Variants in FNTB observed in about 807,000 individuals in gnomAD.
The protein encoded by FNTB is farnesyltransferase, CAAX box, subunit beta.
A neutral mutation model predicts 59.4 loss-of-function variants in FNTB; 27 were observed. That is an observed-to-expected ratio of 0.45 (90% CI 0.34 to 0.63). FNTB has a LOEUF of 0.63. Ranked by LOEUF, FNTB falls within the 20% of genes least tolerant of loss-of-function variation. The pLI, the probability that FNTB is intolerant of heterozygous loss-of-function variation, is 0.02. For missense variants in FNTB, 449 were observed against 559.6 expected, an observed-to-expected ratio of 0.80 and a Z score of 1.99; for synonymous variants, 230 against 220.7, an observed-to-expected ratio of 1.04 and a Z score of -0.37.
chr14:65,049,125 TAAA>T (rs59771962), intron 9 of FNTB, among the ~76,000 whole-genome samples: 29 of 139,706 alleles, frequency 2.1e-4, no homozygotes, highest in Admixed American at 2.1e-4. Flanking sequence ...GGACTCCGTC[TAAA>T]AAAAAAAAAA....
rs758348521 is a variant in FNTB at position 65,044,268 on chromosome 14, C to T, written c.823-43C>T. The T allele has an allele frequency of 1.2e-6, 2 of 1,606,632 alleles. No individual in the cohort carries two copies. Among genetic ancestry groups the T allele is most frequent in the African/African-American group, 1.3e-5 (1 of 74,644 alleles). On this transcript the variant is annotated intron_variant, in intron 8 of 11. Transcript: ENST00000246166. The surrounding 1 kb of genome is among the most constrained non-coding windows in gnomAD (Gnocchi z 5.5). Reference sequence around the variant, plus strand: ...GAGATTCTGTCGGGCTGGATTTTGTCTCTTTTAGCCTACAACTGCCTTTCC... The same window carrying T: ...GAGATTCTGTCGGGCTGGATTTTGTTTCTTTTAGCCTACAACTGCCTTTCC...
Position 65,032,719 on chromosome 14 carries a change from C to T in FNTB, c.692+23C>T, listed in dbSNP as rs1366878056. 1 of 1,610,116 alleles carries T rather than the reference C, an allele frequency of 6.2e-7. No homozygotes were observed. The highest frequency in any genetic ancestry group is 8.5e-7 in the Non-Finnish European group (1 of 1,178,704). On this transcript the variant is annotated intron_variant, in intron 7 of 11. Coordinates refer to ENST00000246166, the MANE Select transcript of FNTB (RefSeq NM_002028.4). The surrounding 1 kb of genome is among the most constrained non-coding windows in gnomAD (Gnocchi z 5.0). ...AAGGTGAGAGAAGCCAGGGTTTCTC[C>T]TGGCCTCTTGGAGAGCAGGCGGTCA...
intron 7 of FNTB, among the ~76,000 whole-genome samples, chr14:65,036,297 C>T (rs566993593): frequency 1.3e-5 from 2 of 150,196 alleles, no homozygotes; most frequent in South Asian, 2.1e-4. Flanking sequence ...AGTGCAGTGG[C>T]GTGATCTTGG....
At chr14:65,002,766 A>T (rs1054655402) in intron 1 of FNTB, among the ~76,000 whole-genome samples, 1 of 152,082 alleles carries the variant, frequency 6.6e-6, no homozygotes, top group African/African-American at 2.4e-5. Flanking sequence ...AGTGGGCTGA[A>T]GTGCGGAGTG....
Position 65,004,301 on chromosome 14 carries a change from A to G in FNTB, c.197A>G (p.His66Arg). Residue 66 changes from histidine to arginine, a missense_variant, in exon 2 of 12, where the codon CAC (histidine) becomes CGC (arginine). Coordinates refer to ENST00000246166, the MANE Select transcript of FNTB (RefSeq NM_002028.4). Reference protein sequence around the residue: ...QEVFSSYKFNHLVPRLVLQRE... With the variant: ...QEVFSSYKFNRLVPRLVLQRE... ...GTCTTCAGTTCTTACAAGTTCAACC[A>G]CCTTGTACCAAGGTAAGCTGTGGTT... 3 of 1,613,000 alleles carry G rather than the reference A, an allele frequency of 1.9e-6. No homozygotes were observed. Among genetic ancestry groups the G allele is most frequent in the Non-Finnish European group, 2.5e-6 (3 of 1,179,444 alleles).
rs1388060732 is a variant in FNTB, at chr14:65,014,542, G to A, written c.283-1083G>A. 3.3e-5 allele frequency among the ~76,000 whole-genome samples: 5 copies of A among 152,164 alleles called. No homozygotes were observed. Among genetic ancestry groups the A allele is most frequent in the African/African-American group, 1.2e-4 (5 of 41,436 alleles). On this transcript the variant is annotated intron_variant, in intron 3 of 11. Transcript: ENST00000246166. The surrounding 1 kb of genome is among the most constrained non-coding windows in gnomAD (Gnocchi z 5.1). Reference sequence around the variant, plus strand: ...CAAGAACAGAAACCAGTTCAGGCATGGTGGCTAATGCCTGTAATCTCAGCA... The same window carrying A: ...CAAGAACAGAAACCAGTTCAGGCATAGTGGCTAATGCCTGTAATCTCAGCA...
chr14:65,011,431 G>GAAAAA lies in FNTB; in HGVS notation c.210-869_210-865dup, dbSNP rs767329195. Among the ~76,000 whole-genome samples, 1 of 80,088 alleles carries GAAAAA rather than the reference G, an allele frequency of 1.2e-5. No individual in the cohort carries two copies. Among genetic ancestry groups the GAAAAA allele is most frequent in the Non-Finnish European group, 2.7e-5 (1 of 36,962 alleles). The allele number at this position is 80,088 out of a possible 152,430, so 52.5% of individuals were successfully genotyped here. A position where few individuals can be genotyped will look rare whatever the true frequency, so the allele number is the denominator to read the frequency against. On this transcript the variant is annotated intron_variant, in intron 2 of 11. Transcript: ENST00000246166. The surrounding 1 kb of genome is among the most constrained non-coding windows in gnomAD (Gnocchi z 4.0). ...GTGACAGAGCGAGACTCCGTCTCAG[G>GAAAAA]AAAAAAAAAAAAAAAAAAAAAGACT...
chr14:65,022,026 A>G lies in FNTB; in HGVS notation c.375-5427A>G, dbSNP rs763236852. On this transcript the variant is annotated intron_variant, in intron 4 of 11. Transcript: ENST00000246166. ...CTTGCCGGTGCTTGATGAAGAGTCA[A>G]ATAACACGTCTGACTCTGTGAGCAG... is the stretch of plus-strand genomic sequence containing the variant. 30 of 455,926 alleles carry G rather than the reference A, an allele frequency of 6.6e-5. 1 individual carries two copies. Among genetic ancestry groups the G allele is most frequent in the Non-Finnish European group, 1.3e-5 (3 of 226,796 alleles). The allele number at this position is 455,926 out of a possible 1,614,324, so 28.2% of individuals were successfully genotyped here. A position where few individuals can be genotyped will look rare whatever the true frequency, so the allele number is the denominator to read the frequency against.
intron 7 of FNTB, among the ~76,000 whole-genome samples, chr14:65,040,365 T>G (rs2062321140): frequency 6.6e-6 from 1 of 150,968 alleles, no homozygotes; most frequent in Admixed American, 6.6e-5. Context: ...CAAAGAGTAA[T>G]AATTTGAATT....
rs149815249 is a variant in FNTB at position 65,014,691 on chromosome 14, G to C, written c.283-934G>C. ...TAGCCAGGCATAGTGGTGTGTGCCC[G>C]TAGTCCCAGCTACTTAGGAGGCTGA... On this transcript the variant is annotated intron_variant, in intron 3 of 11. Transcript: ENST00000246166. This position sits in a 1 kb window ranked among gnomAD's most constrained non-coding sequence, Gnocchi z 5.1. Among the ~76,000 whole-genome samples, 1,397 of 152,238 alleles carry C rather than the reference G, an allele frequency of 9.2e-3. 22 individuals are homozygous for C. The highest frequency in any genetic ancestry group is 0.031 in the African/African-American group (1,294 of 41,542).
rs981116830 is a variant in FNTB at position 64,999,870 on chromosome 14, T to C, written c.145-4379T>C. ...CACTTGTTCATTCTGAAGAAATGAT[T>C]AGGAACTCCAAAGAGAAGGACACTA... On this transcript the variant is annotated intron_variant, in intron 1 of 11. Coordinates refer to ENST00000246166, the MANE Select transcript of FNTB (RefSeq NM_002028.4). Among the ~76,000 whole-genome samples, 53 of 152,210 alleles carry C rather than the reference T, an allele frequency of 3.5e-4. 1 individual carries two copies. Among genetic ancestry groups the C allele is most frequent in the Non-Finnish European group, 1.2e-4 (8 of 68,028 alleles).
At position 64,990,855 on chromosome 14, in the gene FNTB, C is replaced by T. The variant is rs574103801; in HGVS notation, c.144+3758C>T. On this transcript the variant is annotated intron_variant, in intron 1 of 11. Coordinates refer to ENST00000246166, the MANE Select transcript of FNTB (RefSeq NM_002028.4). The surrounding 1 kb of genome is among the most constrained non-coding windows in gnomAD (Gnocchi z 5.2). Reference sequence around the variant, plus strand: ...GTGACGGTGGCTTAGCTCACAGTGACGGTAGTGGAGGTAATGAGAAATGGT... The same window carrying T: ...GTGACGGTGGCTTAGCTCACAGTGATGGTAGTGGAGGTAATGAGAAATGGT... 9.2e-5 allele frequency among the ~76,000 whole-genome samples: 14 copies of T among 152,200 alleles called. No homozygotes were observed. Among genetic ancestry groups the T allele is most frequent in the African/African-American group, 2.6e-4 (11 of 41,526 alleles).
chr14:65,020,434 CCT>C (rs144898294), intron 4 of FNTB, among the ~76,000 whole-genome samples: 3,034 of 152,062 alleles, frequency 0.02, 96 homozygotes, highest in African/African-American at 0.07. Context: ...CTTCAGCTTG[CCT>C]CTTTTTTTTT....
At chr14:65,056,629 G>A (rs564326121) in intron 11 of FNTB, among the ~76,000 whole-genome samples, 1 of 152,144 alleles carries the variant, frequency 6.6e-6, no homozygotes, top group Non-Finnish European at 1.5e-5. Flanking sequence ...TGTCTTCTGC[G>A]AATTGTCTGC....
chr14:65,002,653 G>A (rs2061536140), intron 1 of FNTB, among the ~76,000 whole-genome samples: 1 of 152,068 alleles, frequency 6.6e-6, no homozygotes, highest in African/African-American at 2.4e-5. Context: ...CGGGGTTGCA[G>A]CAGAGAAGGA....
rs1451924811 is a variant in FNTB at position 65,029,764 on chromosome 14, C to A, written c.605+1983C>A. ...GGAGGGACAGGCTGGGAACAGGCTA[C>A]AGAGGCCCTGAAATCTCCTATGGAG... is the stretch of plus-strand genomic sequence containing the variant. On this transcript the variant is annotated intron_variant, in intron 6 of 11. Coordinates refer to ENST00000246166, the MANE Select transcript of FNTB (RefSeq NM_002028.4). The surrounding 1 kb of genome is among the most constrained non-coding windows in gnomAD (Gnocchi z 4.7). Among the ~76,000 whole-genome samples the A allele has an allele frequency of 1.3e-5, 2 of 152,148 alleles. No homozygotes were observed. The highest frequency in any genetic ancestry group is 2.9e-5 in the Non-Finnish European group (2 of 68,032).
intron 2 of FNTB, among the ~76,000 whole-genome samples, chr14:65,005,468 T>TCTTTCTTC (rs2061567968): frequency 7.7e-6 from 1 of 130,216 alleles, no homozygotes. Context: ...TTTCTTTCTT[T>TCTTTCTTC]CTTTCTTTCT....
chr14:65,042,442 G>A (rs756303358), intron 8 of FNTB, among the ~76,000 whole-genome samples: 2 of 152,120 alleles, frequency 1.3e-5, no homozygotes, highest in South Asian at 2.1e-4. Flanking sequence ...TGGCATACAC[G>A]GTTCACAGTA....
rs749947758 is a variant in FNTB, at chr14:65,040,894, G to C, written c.797G>C (p.Arg266Pro). The C allele has an allele frequency of 3.7e-6, 6 of 1,613,926 alleles. No individual in the cohort carries two copies. In the Admixed American group the frequency reaches 8.3e-5, roughly 22 times the overall value. The change falls in exon 8 of 12, where the codon CGT becomes CCT. Residue 266 changes from arginine to proline, a missense_variant. Arg to Pro is a moderately radical substitution (Grantham distance 103). This residue lies in a region of FNTB where 337 missense variants were observed against 479.1 expected (regional missense o/e 0.70). Coordinates refer to ENST00000246166, the MANE Select transcript of FNTB (RefSeq NM_002028.4). ...LAALVILKRE[R>P]SLNLKSLLQW... is the part of the protein sequence containing the mutation. ...GCGCTGGTAATCCTCAAGAGGGAACGTTCCTTGAACTTGAAGAGCTTATTA... is the reference window on the plus strand; with the variant it reads ...GCGCTGGTAATCCTCAAGAGGGAACCTTCCTTGAACTTGAAGAGCTTATTA...
Sources: gnomAD v4.1 joint callset for allele counts (sites outside exome capture counted in the v4.1 genomes callset) on GRCh38, gnomAD v4.1.1 for gene constraint, gnomAD v4.1.1 regional missense constraint, Gnocchi (gnomAD v3.1) non-coding constraint, MANE v1.5 for transcripts, NCBI Gene and HGNC (gene_info 2026-07-23, HGNC 2026-07-21) for gene names.